INSL6: variants seen among roughly 807,000 people sequenced by gnomAD.
INSL6 encodes the protein insulin-like peptide INSL6.
In INSL6, 16 loss-of-function variants were observed where a neutral mutation model predicts 9.4. The ratio of observed to expected loss-of-function variants is 1.70; its 90% CI spans 1.15 to 2.59. The LOEUF (loss-of-function observed/expected upper bound fraction) is 2.59. INSL6 is among the 30% of genes most tolerant of loss of function. The pLI, the probability that INSL6 is intolerant of heterozygous loss-of-function variation, is 0.00. For missense variants in INSL6, 391 were observed against 257.3 expected (o/e 1.52, Z -3.56); for synonymous variants, 154 against 96.9 (o/e 1.59, Z -3.46).
the INSL6 span, chr9:5,109,010 T>G: frequency 6.6e-6 from 1 of 152,054 alleles, no homozygotes; most frequent in African/African-American, 2.4e-5. Context: ...CTAGCAAATC[T>G]CACTAATCTT....
the INSL6 span, among the ~76,000 whole-genome samples, chr9:5,075,554 C>A: frequency 1.3e-5 from 2 of 152,208 alleles, no homozygotes; most frequent in East Asian, 3.8e-4. Context: ...GATGACAGCA[C>A]ATCTGTTTAT....
the INSL6 span, chr9:5,090,510 A>G: frequency 2.5e-6 from 4 of 1,594,744 alleles, no homozygotes; most frequent in African/African-American, 2.7e-5. Flanking sequence ...ACTATCTTCA[A>G]AAACATAAAG....
chr9:5,059,478 G>T, the INSL6 span, among the ~76,000 whole-genome samples: 3 of 152,058 alleles, frequency 2.0e-5, no homozygotes, highest in African/African-American at 7.2e-5. Context: ...GGACATTTGG[G>T]TTGCTTTCAC....
chr9:5,152,565 T>G (rs1022875421), intron 2 of INSL6, among the ~76,000 whole-genome samples: 1 of 152,188 alleles, frequency 6.6e-6, no homozygotes, highest in African/African-American at 2.4e-5. Flanking sequence ...TAGCTTTAGA[T>G]GCTTCTATTT....
At chr9:4,996,206 T>A in the INSL6 span, among the ~76,000 whole-genome samples, 1 of 152,174 alleles carries the variant, frequency 6.6e-6, no homozygotes, top group Non-Finnish European at 1.5e-5. Flanking sequence ...TTTTTAAGCT[T>A]TTTAAGTAGA....
In INSL6 at chr9:5,141,584, T is replaced by G. The variant is rs1044321550; in HGVS notation, c.377-7992A>C. On this transcript the variant is annotated intron_variant, in intron 2 of 3. Transcript: ENST00000649639. The stretch of plus-strand genomic sequence containing the variant: ...ATTTAATGGGTTTTTTCTTTTAAAT[T>G]TGTTTCTAAGTTCCTTATAGATGCT... 2.6e-5 allele frequency among the ~76,000 whole-genome samples: 4 copies of G among 152,162 alleles called. No homozygotes were observed. In the South Asian group the frequency reaches 8.3e-4, roughly 32 times the overall value.
chr9:5,054,202 A>G, the INSL6 span, among the ~76,000 whole-genome samples: 1 of 152,080 alleles, frequency 6.6e-6, no homozygotes, highest in South Asian at 2.1e-4. This position sits in a 1 kb window ranked among gnomAD's most constrained non-coding sequence, Gnocchi z 4.9. Flanking sequence ...GCACAGTTCA[A>G]TATATGCCAA....
the INSL6 span, among the ~76,000 whole-genome samples, chr9:5,010,826 A>G: frequency 1.3e-5 from 2 of 152,232 alleles, no homozygotes; most frequent in South Asian, 2.1e-4. Context: ...ATCTGAAAAC[A>G]TATTTGTTTT....
chr9:5,170,737 T>C (rs1443623815), intron 1 of INSL6, among the ~76,000 whole-genome samples: 2 of 151,922 alleles, frequency 1.3e-5, no homozygotes, highest in Non-Finnish European at 2.9e-5. Flanking sequence ...CCGGAAAATC[T>C]AGACACAATG....
At chr9:5,038,716 A>G in the INSL6 span, among the ~76,000 whole-genome samples, 3 of 151,890 alleles carry the variant, frequency 2.0e-5, no homozygotes, top group African/African-American at 7.3e-5. Context: ...ACATCAGGTT[A>G]GCGCTCTAAA....
At chr9:5,096,062 C>A in the INSL6 span, among the ~76,000 whole-genome samples, 1 of 152,268 alleles carries the variant, frequency 6.6e-6, no homozygotes, top group South Asian at 2.1e-4. Flanking sequence ...ATTACCCCAA[C>A]CATTATAGCT....
the INSL6 span, among the ~76,000 whole-genome samples, chr9:5,006,520 A>G: frequency 1.3e-5 from 2 of 152,316 alleles, no homozygotes; most frequent in East Asian, 3.9e-4. Flanking sequence ...AAGTTGTTTA[A>G]TTGACTCATG....
In INSL6 at chr9:5,147,892, T is replaced by C. The variant is rs538068053; in HGVS notation, c.377-14300A>G. 4.6e-5 allele frequency among the ~76,000 whole-genome samples: 7 copies of C among 152,362 alleles called. No individual in the cohort carries two copies. The South Asian group carries it at 8.3e-4, about 18-fold the overall frequency. On this transcript the variant is annotated intron_variant, in intron 2 of 3. Transcript: ENST00000649639. Reference sequence around the variant, plus strand: ...GTAGTGAACTTTTCTCCTCAATAAGTTCAGTTTGAGTCTTTCTTAAAATGG... The same window carrying C: ...GTAGTGAACTTTTCTCCTCAATAAGCTCAGTTTGAGTCTTTCTTAAAATGG...
At chr9:5,131,653 T>C (rs913070321) in intron 3 of INSL6, among the ~76,000 whole-genome samples, 9 of 152,188 alleles carry the variant, frequency 5.9e-5, no homozygotes, top group South Asian at 2.1e-4. Flanking sequence ...TTGGTCAGTC[T>C]GGTCTTGAAC....
chr9:5,076,886 G>C, the INSL6 span, among the ~76,000 whole-genome samples: 7 of 152,134 alleles, frequency 4.6e-5, no homozygotes, highest in Middle Eastern at 3.4e-3. Context: ...AAGGAATCCA[G>C]GATTGTTTTT....
At chr9:5,078,601 C>T in the INSL6 span, among the ~76,000 whole-genome samples, 1 of 152,050 alleles carries the variant, frequency 6.6e-6, no homozygotes, top group African/African-American at 2.4e-5. Flanking sequence ...TTAGTTAAAT[C>T]TTAGTCTCTA....
chr9:5,071,382 GA>G, the INSL6 span, among the ~76,000 whole-genome samples: 6 of 152,182 alleles, frequency 3.9e-5, no homozygotes, highest in Admixed American at 2.6e-4. Flanking sequence ...AGAATTTTCA[GA>G]TACAGACTAT....
rs1255460097 is a variant in INSL6 at position 5,133,911 on chromosome 9, C to T, written c.377-319G>A. Among the ~76,000 whole-genome samples the T allele has an allele frequency of 3.3e-5, 5 of 150,484 alleles. No individual in the cohort carries two copies. The East Asian group carries it at 9.6e-4, about 29-fold the overall frequency. On this transcript the variant is annotated intron_variant, in intron 2 of 3. Coordinates refer to the INSL6 transcript ENST00000649639. ...TACAAACTCCTCTGAGCTAAAGGAA[C>T]ATGTTCTAACCCAATGCAAGGAAGC...
intron 2 of INSL6, among the ~76,000 whole-genome samples, chr9:5,150,880 C>T (rs960528221): frequency 2.8e-4 from 42 of 147,844 alleles, no homozygotes; most frequent in African/African-American, 7.5e-4. Flanking sequence ...CACACACACA[C>T]ATCATGGAAT....
Sources: allele counts gnomAD v4.1 joint callset (sites outside exome capture counted in the v4.1 genomes callset), GRCh38; gene constraint gnomAD v4.1.1; non-coding constraint Gnocchi (gnomAD v3.1); transcripts MANE v1.5; gene names NCBI Gene and HGNC (gene_info 2026-07-23, HGNC 2026-07-21).